The following ZNF221 variants were observed in gnomAD, a reference collection of about 807,000 sequenced individuals.
ZNF221 encodes the protein zinc finger protein 221.
Under a neutral mutation model 12.6 loss-of-function variants are expected in ZNF221, and 10 were observed. The ratio of observed to expected loss-of-function variants is 0.79; its 90% CI spans 0.49 to 1.34. The LOEUF is 1.34. Among genes scored for constraint, ZNF221 ranks in the 40% most tolerant of loss-of-function variants. ZNF221 has a pLI of 0.00. For synonymous variants in ZNF221, 232 were observed against 244.0 expected (o/e 0.95, Z 0.46); for missense variants, 661 against 721.4 (o/e 0.92, Z 0.96).
At chr19:43,969,463 C>G (rs1346457726), downstream of ZNF221, among the ~76,000 whole-genome samples, 1 of 151,404 alleles carries the variant, frequency 6.6e-6, no homozygotes, top group Non-Finnish European at 1.5e-5. Flanking sequence ...ATTCTCCTGC[C>G]TCAGCCTCCC....
At chr19:43,964,539 TATGA>T (rs1228786794) in intron 2 of ZNF221, among the ~76,000 whole-genome samples, 2 of 152,136 alleles carry the variant, frequency 1.3e-5, no homozygotes, top group Non-Finnish European at 2.9e-5. Flanking sequence ...ACAGTTTGAG[TATGA>T]AAGGAAGACA....
chr19:43,967,111 G>A lies in ZNF221; in HGVS notation c.1609G>A (p.Glu537Lys). Residue 537 changes from glutamate to lysine, a missense_variant, in exon 5 of 5, where the codon GAG becomes AAG. Transcript: ENST00000587682. ...CHTGEKLYKC[E>K]QCEKGYNSKF... ...TACTGGAGAAAAGCTATACAAATGTGAGCAGTGTGAGAAGGGGTACAACAG... is the reference window on the plus strand; with the variant it reads ...TACTGGAGAAAAGCTATACAAATGTAAGCAGTGTGAGAAGGGGTACAACAG... 6.3e-7 allele frequency: 1 copy of A among 1,595,618 alleles called. No homozygotes were observed. The highest frequency in any genetic ancestry group is 8.6e-7 in the Non-Finnish European group (1 of 1,168,388).
rs117538632 is a variant in ZNF221 at position 43,952,640 on chromosome 19, G to A, written c.-3+1240G>A. On this transcript the variant is annotated intron_variant, in intron 1 of 4. Coordinates refer to ENST00000587682, the MANE Select transcript of ZNF221 (RefSeq NM_001297588.2). ...GTGGAGCCGGGGTTGGAACCTTTGCGGTCCAGGTCAGAGCCCAAGCTGATA... is the reference window on the plus strand; with the variant it reads ...GTGGAGCCGGGGTTGGAACCTTTGCAGTCCAGGTCAGAGCCCAAGCTGATA... 4.3e-4 allele frequency among the ~76,000 whole-genome samples: 66 copies of A among 152,228 alleles called. No homozygotes were observed. In the East Asian group the frequency reaches 0.012, roughly 27 times the overall value.
At chr19:43,963,696 T>A (rs1264905280) in intron 2 of ZNF221, among the ~76,000 whole-genome samples, 1 of 152,236 alleles carries the variant, frequency 6.6e-6, no homozygotes, top group Non-Finnish European at 1.5e-5. Flanking sequence ...ATCTTCCTCT[T>A]AAACTCATAA....
intron 1 of ZNF221, among the ~76,000 whole-genome samples, chr19:43,957,482 C>A (rs1205104075): frequency 6.6e-6 from 1 of 152,166 alleles, no homozygotes; most frequent in African/African-American, 2.4e-5. Flanking sequence ...CTGGAGAAAC[C>A]TTTATACCTA....
At chr19:43,964,046 T>G (rs1599817735) in intron 2 of ZNF221, among the ~76,000 whole-genome samples, 1 of 152,200 alleles carries the variant, frequency 6.6e-6, no homozygotes, top group East Asian at 1.9e-4. Context: ...AAAATTATTT[T>G]CTTTACAGGA....
At chr19:43,963,801 A>G (rs1480542923) in intron 2 of ZNF221, among the ~76,000 whole-genome samples, 2 of 152,236 alleles carry the variant, frequency 1.3e-5, no homozygotes, top group African/African-American at 4.8e-5. Flanking sequence ...GAATGATATT[A>G]ATACAATGAA....
intron 1 of ZNF221, among the ~76,000 whole-genome samples, chr19:43,959,920 G>A (rs938919516): frequency 6.6e-6 from 1 of 152,144 alleles, no homozygotes; most frequent in Admixed American, 6.5e-5. Flanking sequence ...ATGGGCAGAG[G>A]TTGGAAAAAG....
At chr19:43,958,448 G>A (rs943897138) in intron 1 of ZNF221, among the ~76,000 whole-genome samples, 2 of 152,174 alleles carry the variant, frequency 1.3e-5, no homozygotes, top group Non-Finnish European at 2.9e-5. Context: ...AGGGTGAGTT[G>A]AGCAGTCCGC....
chr19:43,981,480 GTATT>G, the ZNF221 span, among the ~76,000 whole-genome samples: 1 of 152,124 alleles, frequency 6.6e-6, no homozygotes, highest in South Asian at 2.1e-4. Flanking sequence ...ATGTACAAGT[GTATT>G]TATAACAGCA....
At chr19:43,962,363 A>G (rs1358251453) in intron 1 of ZNF221, among the ~76,000 whole-genome samples, 3 of 152,112 alleles carry the variant, frequency 2.0e-5, no homozygotes, top group Non-Finnish European at 4.4e-5. Context: ...CCACTAACCT[A>G]CTTTCTCTAT....
downstream of ZNF221, among the ~76,000 whole-genome samples, chr19:43,970,543 C>CAGAAT (rs1438819702): frequency 1.1e-4 from 17 of 152,168 alleles, no homozygotes; most frequent in Non-Finnish European, 2.1e-4. Context: ...AGCTGATGAC[C>CAGAAT]AGAATAGCCA....
rs1283425777 is a variant in ZNF221, at chr19:43,951,693, TAA to T, written c.-3+296_-3+297del. On this transcript the variant is annotated intron_variant, in intron 1 of 4. Coordinates refer to ENST00000587682, the MANE Select transcript of ZNF221 (RefSeq NM_001297588.2). Reference sequence around the variant, plus strand: ...GTCTTGGGAATTGAAAGAGGTAATATAAAAGAGTCTTAAAACAGTTTTTGTTA... The same window carrying T: ...GTCTTGGGAATTGAAAGAGGTAATATAAGAGTCTTAAAACAGTTTTTGTTA... Among the ~76,000 whole-genome samples the T allele has an allele frequency of 3.3e-5, 5 of 152,148 alleles. No homozygotes were observed. The South Asian group carries it at 1.0e-3, about 31-fold the overall frequency.
rs908741130 is a variant in ZNF221, at chr19:43,963,078, A to G, written c.81+271A>G. On this transcript the variant is annotated intron_variant, in intron 2 of 4. Coordinates refer to ENST00000587682, the MANE Select transcript of ZNF221 (RefSeq NM_001297588.2). ...CTCTGCTCACAAATTAGCTGTTTTT[A>G]TCTTGTATTCTTCATCATGTACATT... is the stretch of plus-strand genomic sequence containing the variant. 3.9e-5 allele frequency among the ~76,000 whole-genome samples: 6 copies of G among 152,196 alleles called. No homozygotes were observed. In the East Asian group the frequency reaches 5.8e-4, roughly 15 times the overall value.
intron 1 of ZNF221, among the ~76,000 whole-genome samples, chr19:43,954,284 T>C (rs562845402): frequency 2.6e-5 from 4 of 152,278 alleles, no homozygotes; most frequent in East Asian, 3.9e-4. Context: ...TCTGGTGTAA[T>C]TGAGCTAAGA....
At position 43,965,228 on chromosome 19, in the gene ZNF221, C is replaced by G. The variant is rs1221397688; in HGVS notation, c.209-5C>G. 4.4e-6 allele frequency: 7 copies of G among 1,607,406 alleles called. No homozygotes were observed. Among genetic ancestry groups the G allele is most frequent in the Non-Finnish European group, 5.1e-6 (6 of 1,177,184 alleles). On this transcript the variant is annotated splice_polypyrimidine_tract_variant and splice_region_variant and intron_variant, in intron 3 of 4. Coordinates refer to ENST00000587682, the MANE Select transcript of ZNF221 (RefSeq NM_001297588.2). Reference sequence around the variant, plus strand: ...GGAATTAAGCATGTCACTGTGTGTTCACAGGGAATCAACCATTCCACCAAG... The same window carrying G: ...GGAATTAAGCATGTCACTGTGTGTTGACAGGGAATCAACCATTCCACCAAG...
At chr19:43,961,387 A>G (rs1422277409) in intron 1 of ZNF221, among the ~76,000 whole-genome samples, 1 of 152,220 alleles carries the variant, frequency 6.6e-6, no homozygotes, top group African/African-American at 2.4e-5. Flanking sequence ...GGAACCCCAC[A>G]TAGCAAGGTG....
chr19:43,967,891 T>C, downstream of ZNF221: 1 of 177,820 alleles, frequency 5.6e-6, no homozygotes, highest in Non-Finnish European at 1.2e-5. Context: ...CATCAGAGGG[T>C]CCATATGGCA....
the ZNF221 span, among the ~76,000 whole-genome samples, chr19:43,976,275 C>T: frequency 1.3e-5 from 2 of 151,924 alleles, no homozygotes; most frequent in African/African-American, 2.4e-5. Context: ...TGGTGGCTCA[C>T]TCCTGTAATC....
Sources: gnomAD v4.1 joint callset for allele counts (sites outside exome capture counted in the v4.1 genomes callset) on GRCh38, gnomAD v4.1.1 for gene constraint, MANE v1.5 for transcripts, NCBI Gene and HGNC (gene_info 2026-07-23, HGNC 2026-07-21) for gene names.